ARHGEF1: variants seen among roughly 807,000 people sequenced by gnomAD.
ARHGEF1 encodes Rho guanine nucleotide exchange factor 1, also known as 115 kDa guanine nucleotide exchange factor.
In ARHGEF1, 40 loss-of-function variants were observed where a neutral mutation model predicts 119.7. That is an observed-to-expected ratio of 0.33 (90% CI 0.26 to 0.44). The LOEUF (loss-of-function observed/expected upper bound fraction) is 0.44. Among genes scored for constraint, ARHGEF1 ranks in the 20% least tolerant of loss-of-function variants. ARHGEF1 has a pLI of 1.00. For missense variants in ARHGEF1, 976 were observed against 1,268.3 expected (o/e 0.77, Z 3.50); for synonymous variants, 494 against 521.0 (o/e 0.95, Z 0.71).
chr19:41,906,246 T>C lies in ARHGEF1; in HGVS notation c.2492-211T>C, dbSNP rs2074693238. 4 of 658,916 alleles carry C rather than the reference T, an allele frequency of 6.1e-6. No homozygotes were observed. The highest frequency in any genetic ancestry group is 2.9e-5 in the Admixed American group (1 of 34,800). 40.8% of individuals were successfully genotyped at this position (658,916 alleles called of 1,614,324 possible). A position where few individuals can be genotyped will look rare whatever the true frequency, so the allele number is the denominator to read the frequency against. On this transcript the variant is annotated intron_variant, in intron 26 of 28. Transcript: ENST00000354532. This position sits in a 1 kb window ranked among gnomAD's most constrained non-coding sequence, Gnocchi z 4.5. The stretch of plus-strand genomic sequence containing the variant: ...TATATTTAGCCTCTTCCTGAACACA[T>C]CTCTGTCTTCAGTACCTTCCTGCCC...
At chr19:41,898,417 G>C (rs1568819049) in intron 13 of ARHGEF1, 25 bp from the exon 14 acceptor site, 2 of 1,548,516 alleles carry the variant, frequency 1.3e-6, no homozygotes, top group Non-Finnish European at 1.7e-6. Context: ...CCAAGCTGGG[G>C]CCCTAACAAG....
chr19:41,915,219 A>ACACGTTATAAC (rs1555851856), intron 18 of ARHGEF1, among the ~76,000 whole-genome samples: 1 of 134,778 alleles, frequency 7.4e-6, no homozygotes, highest in Non-Finnish European at 1.5e-5. Flanking sequence ...CCTCCTCCGG[A>ACACGTTATAAC]CACGTTATAA....
At chr19:41,895,647 T>G (rs2074472752) in intron 12 of ARHGEF1, among the ~76,000 whole-genome samples, 161 bp downstream of exon 12, 1 of 152,160 alleles carries the variant, frequency 6.6e-6, no homozygotes, top group Non-Finnish European at 1.5e-5. Context: ...CTGTCATTCA[T>G]AACTTTCCCC....
intron 1 of ARHGEF1, among the ~76,000 whole-genome samples, chr19:41,926,105 C>T (rs1425181644): frequency 6.6e-6 from 1 of 151,818 alleles, no homozygotes; most frequent in African/African-American, 2.4e-5. Flanking sequence ...GGCTCACGTA[C>T]AGGTAGGAAG....
chr19:41,905,793 C>T lies in ARHGEF1; in HGVS notation c.2370C>T (p.Asn790=), dbSNP rs376174015. 1.7e-5 allele frequency: 27 copies of T among 1,613,990 alleles called. No homozygotes were observed. Among genetic ancestry groups the T allele is most frequent in the East Asian group, 6.7e-5 (3 of 44,884 alleles). ...AACCCCTCCTCAGCAGCTCTGAGAA[C>T]GGCAATGGTGGCCGAGAGACGTCTC... The part of the protein sequence containing the change: ...TREPLLSSSE[N]GNGGRETSPA... The change falls in exon 25 of 29, where the codon AAC becomes AAT. Residue 790 remains asparagine, a synonymous_variant. Coordinates refer to ENST00000354532, the MANE Select transcript of ARHGEF1 (RefSeq NM_004706.4). The surrounding 1 kb of genome is among the most constrained non-coding windows in gnomAD (Gnocchi z 6.4).
chr19:41,907,148 AC>A lies in ARHGEF1; in HGVS notation c.*63del, dbSNP rs1368538807. 6.5e-7 allele frequency: 1 copy of A among 1,530,836 alleles called. No individual in the cohort carries two copies. Among genetic ancestry groups the A allele is most frequent in the Non-Finnish European group, 8.7e-7 (1 of 1,144,628 alleles). The allele number at this position is 1,530,836 out of a possible 1,614,324, so 94.8% of individuals were successfully genotyped here. On this transcript the variant is annotated 3_prime_UTR_variant, in exon 29 of 29. Coordinates refer to ENST00000354532, the MANE Select transcript of ARHGEF1 (RefSeq NM_004706.4). ...AGGAATGGGGGAGAGGACGTGAGGGACCACCCCCACCCACACAGCTGCCGCA... is the reference window on the plus strand; with the variant it reads ...AGGAATGGGGGAGAGGACGTGAGGGACACCCCCACCCACACAGCTGCCGCA...
At position 41,894,200 on chromosome 19, in the gene ARHGEF1, C is replaced by T; in HGVS notation, c.645-7C>T. 6.6e-7 allele frequency: 1 copy of T among 1,505,950 alleles called. No individual in the cohort carries two copies. Among genetic ancestry groups the T allele is most frequent in the Non-Finnish European group, 8.9e-7 (1 of 1,123,058 alleles). The allele number at this position is 1,505,950 out of a possible 1,614,324, so 93.3% of individuals were successfully genotyped here. On this transcript the variant is annotated splice_region_variant and splice_polypyrimidine_tract_variant and intron_variant, in intron 8 of 28. Transcript: ENST00000354532. Reference sequence around the variant, plus strand: ...TGTGTTGAGCCCTCACTGTCCCTTCCCTACAGTGCTGCCGTGGTCAACGCC... The same window carrying T: ...TGTGTTGAGCCCTCACTGTCCCTTCTCTACAGTGCTGCCGTGGTCAACGCC...
In ARHGEF1 at chr19:41,903,978, A is replaced by AC; in HGVS notation, c.1918-55dup. 9.8e-7 allele frequency: 1 copy of AC among 1,022,706 alleles called. No individual in the cohort carries two copies. Among genetic ancestry groups the AC allele is most frequent in the Non-Finnish European group, 1.5e-6 (1 of 687,646 alleles). The allele number at this position is 1,022,706 out of a possible 1,614,324, so 63.4% of individuals were successfully genotyped here. ...CCACTGCCCTGCCCTTCCCCTCCCC[A>AC]CCAACCCCAATCACCCCCTGCCAAC... is the stretch of plus-strand genomic sequence containing the variant. On this transcript the variant is annotated intron_variant, in intron 20 of 28. Transcript: ENST00000354532. The surrounding 1 kb of genome is among the most constrained non-coding windows in gnomAD (Gnocchi z 4.2).
chr19:41,908,250 C>A, downstream of ARHGEF1: 4 of 1,231,724 alleles, frequency 3.2e-6, no homozygotes, highest in Non-Finnish European at 4.0e-6. The surrounding 1 kb of genome is among the most constrained non-coding windows in gnomAD (Gnocchi z 6.7). Flanking sequence ...CCCCCCTTTG[C>A]CCGCCTTTGC....
intron 7 of ARHGEF1, 196 bp from the exon 8 acceptor site, chr19:41,893,078 G>T (rs1599638149): frequency 2.0e-6 from 2 of 997,938 alleles, no homozygotes; most frequent in East Asian, 2.7e-5. Context: ...CCATGATCTG[G>T]CACTTGGATC....
downstream of ARHGEF1, chr19:41,909,714 C>A (rs1448522988): frequency 7.1e-6 from 7 of 982,672 alleles, no homozygotes; most frequent in Non-Finnish European, 1.0e-5. The surrounding 1 kb of genome is among the most constrained non-coding windows in gnomAD (Gnocchi z 5.2). Flanking sequence ...CGCCTCCCTT[C>A]CACTCACAAG....
At chr19:41,920,403 C>G (rs1484550953), upstream of ARHGEF1, among the ~76,000 whole-genome samples, 1 of 133,544 alleles carries the variant, frequency 7.5e-6, no homozygotes. Flanking sequence ...CCAGATGTGA[C>G]ACACTCACAG....
chr19:41,904,443 G>A lies in ARHGEF1; in HGVS notation c.2161+60G>A. ...GTGTCTTTTTTGGGCAGAGCTGCCTGTGGAGTGGGGAGCAGAACCCTCTAG... is the reference window on the plus strand; with the variant it reads ...GTGTCTTTTTTGGGCAGAGCTGCCTATGGAGTGGGGAGCAGAACCCTCTAG... On this transcript the variant is annotated intron_variant, in intron 22 of 28. Coordinates refer to ENST00000354532, the MANE Select transcript of ARHGEF1 (RefSeq NM_004706.4). The surrounding 1 kb of genome is among the most constrained non-coding windows in gnomAD (Gnocchi z 8.4). 6.7e-7 allele frequency: 1 copy of A among 1,481,550 alleles called. No homozygotes were observed. Among genetic ancestry groups the A allele is most frequent in the Non-Finnish European group, 9.0e-7 (1 of 1,113,660 alleles). 91.8% of individuals were successfully genotyped at this position (1,481,550 alleles called of 1,614,324 possible). A position where few individuals can be genotyped will look rare whatever the true frequency, so the allele number is the denominator to read the frequency against.
chr19:41,904,849 G>A lies in ARHGEF1; in HGVS notation c.2162-100G>A. 1 of 977,144 alleles carries A rather than the reference G, an allele frequency of 1.0e-6. No homozygotes were observed. Among genetic ancestry groups the A allele is most frequent in the Non-Finnish European group, 1.6e-6 (1 of 615,724 alleles). The allele number at this position is 977,144 out of a possible 1,614,324, so 60.5% of individuals were successfully genotyped here. A position where few individuals can be genotyped will look rare whatever the true frequency, so the allele number is the denominator to read the frequency against. On this transcript the variant is annotated intron_variant, in intron 22 of 28. Transcript: ENST00000354532. The surrounding 1 kb of genome is among the most constrained non-coding windows in gnomAD (Gnocchi z 8.4). ...GTGAGTTGAGCCATGGGAGCCCTGA[G>A]AGCGCCACCACTGTGGGTGACTTCT...
At position 41,904,995 on chromosome 19, in the gene ARHGEF1, G is replaced by A; in HGVS notation, c.2208G>A (p.Gln736=). The A allele has an allele frequency of 6.2e-7, 1 of 1,614,218 alleles. No homozygotes were observed. The highest frequency in any genetic ancestry group is 8.5e-7 in the Non-Finnish European group (1 of 1,180,012). Residue 736 remains glutamine (Q), a synonymous_variant, in exon 23 of 29, where the codon CAG becomes CAA. Transcript: ENST00000354532. This position sits in a 1 kb window ranked among gnomAD's most constrained non-coding sequence, Gnocchi z 8.4. ...YVLFTWDQEA[Q]IYELVAQTVS... ...TTTTTACCTGGGACCAGGAGGCCCA[G>A]ATATACGAGCTGGTGGCACAGACTG...
chr19:41,893,276 A>G lies in ARHGEF1; in HGVS notation c.617A>G (p.His206Arg), dbSNP rs2074407869. ...RLLMHLEEMQ[H>R]TISTDEEKSA... ...AAACATCTCTCTTCCTCCTACAGAC[A>G]TACCATCTCTACCGACGAAGAAAAG... is the stretch of plus-strand genomic sequence containing the variant. Residue 206 changes from histidine to arginine, a missense_variant and splice_region_variant, in exon 8 of 29, where the codon CAT (histidine) becomes CGT (arginine). His to Arg is a conservative substitution (Grantham distance 29, BLOSUM62 0). Transcript: ENST00000354532. 3 of 1,611,446 alleles carry G rather than the reference A, an allele frequency of 1.9e-6. No individual in the cohort carries two copies.
At position 41,903,451 on chromosome 19, in the gene ARHGEF1, AGAGCAGGGGGTGG is replaced by A. The variant is rs1555849474; in HGVS notation, c.1839+45_1839+57del. ...CACACCCGGGACAGTGGATGGTGTG[AGAGCAGGGGGTGG>A]ACCCTACCTCAGCCTGTCCAGAAGT... On this transcript the variant is annotated intron_variant, in intron 19 of 28. Transcript: ENST00000354532. This position sits in a 1 kb window ranked among gnomAD's most constrained non-coding sequence, Gnocchi z 4.2. The A allele has an allele frequency of 6.3e-7, 1 of 1,579,718 alleles. No homozygotes were observed. Among genetic ancestry groups the A allele is most frequent in the Middle Eastern group, 1.7e-4 (1 of 5,976 alleles).
chr19:41,922,059 G>A (rs1444189732), upstream of ARHGEF1, among the ~76,000 whole-genome samples: 2 of 151,964 alleles, frequency 1.3e-5, no homozygotes, highest in Non-Finnish European at 2.9e-5. Flanking sequence ...ACAGAAGGCA[G>A]GGAAATGACT....
chr19:41,905,254 C>T lies in ARHGEF1; in HGVS notation c.2329C>T (p.Pro777Ser). ...CTCTCGCCCTAAGCCCCGGCCCAGC[C>T]CGAGCAGGTGAGGGGGGCCATGGAG... is the stretch of plus-strand genomic sequence containing the variant. ...PASRPKPRPS[P>S]SSTREPLLSS... is the part of the protein sequence containing the mutation. Residue 777 changes from proline to serine, a missense_variant, in exon 24 of 29, where the codon CCG (proline) becomes TCG (serine). Pro to Ser is a moderately conservative substitution (Grantham distance 74). This residue lies in a region of ARHGEF1 where 171 missense variants were observed against 180.6 expected (regional missense o/e 0.95). Coordinates refer to ENST00000354532, the MANE Select transcript of ARHGEF1 (RefSeq NM_004706.4). This position sits in a 1 kb window ranked among gnomAD's most constrained non-coding sequence, Gnocchi z 6.4. 1 of 1,613,164 alleles carries T rather than the reference C, an allele frequency of 6.2e-7. No individual in the cohort carries two copies. Among genetic ancestry groups the T allele is most frequent in the Non-Finnish European group, 8.5e-7 (1 of 1,179,610 alleles).
Sources: gnomAD v4.1 joint callset for allele counts (sites outside exome capture counted in the v4.1 genomes callset) on GRCh38, gnomAD v4.1.1 for gene constraint, gnomAD v4.1.1 regional missense constraint, Gnocchi (gnomAD v3.1) non-coding constraint, MANE v1.5 for transcripts, NCBI Gene and HGNC (gene_info 2026-07-23, HGNC 2026-07-21) for gene names.